The following CCDC125 variants were observed in gnomAD, a reference collection of about 807,000 sequenced individuals.
CCDC125 encodes the protein coiled-coil domain-containing protein 125.
A neutral mutation model predicts 57.4 loss-of-function variants in CCDC125; 43 were observed. The observed-to-expected ratio is 0.75, with a 90% CI of 0.59 to 0.97. CCDC125 has a LOEUF of 0.97. CCDC125 is among the 50% of genes least tolerant of loss of function. The probability of loss-of-function intolerance (pLI) is 0.00; values close to 1 mark genes in which losing one functional copy is unlikely to be tolerated. For synonymous variants in CCDC125, 187 were observed against 195.2 expected, an observed-to-expected ratio of 0.96 and a Z score of 0.35; for missense variants, 563 against 595.7, an observed-to-expected ratio of 0.95 and a Z score of 0.57.
intron 2 of CCDC125, among the ~76,000 whole-genome samples, chr5:69,315,917 G>T: frequency 1.6e-5 from 2 of 126,156 alleles, no homozygotes; most frequent in African/African-American, 3.0e-5. Context: ...TTTCCTTTCT[G>T]CCTCAACGGC....
chr5:69,284,299 A>G (rs1370488107), intron 11 of CCDC125, among the ~76,000 whole-genome samples: 2 of 152,190 alleles, frequency 1.3e-5, no homozygotes, highest in African/African-American at 2.4e-5. Flanking sequence ...GCTTTCATAT[A>G]TTTGTATGCA....
Position 69,283,082 on chromosome 5 carries a change from G to C in CCDC125, c.1231-48C>G, listed in dbSNP as rs372348068. 3.6e-6 allele frequency: 5 copies of C among 1,405,446 alleles called. No homozygotes were observed. The African/African-American group carries it at 5.8e-5, about 16-fold the overall frequency. The allele number at this position is 1,405,446 out of a possible 1,614,324, so 87.1% of individuals were successfully genotyped here. A position where few individuals can be genotyped will look rare whatever the true frequency, so the allele number is the denominator to read the frequency against. ...TGTACAAGTTAGTCAATAAATCACA[G>C]AATATATTCAGAGAAAGGAGTATTG... is the stretch of plus-strand genomic sequence containing the variant. On this transcript the variant is annotated intron_variant, in intron 11 of 11. Coordinates refer to ENST00000396496, the MANE Select transcript of CCDC125 (RefSeq NM_176816.5).
chr5:69,302,629 G>A (rs1013717189), intron 7 of CCDC125, among the ~76,000 whole-genome samples: 4 of 151,484 alleles, frequency 2.6e-5, no homozygotes, highest in Non-Finnish European at 2.9e-5. Context: ...GGAGGCTGAG[G>A]CAGAAGAATT....
At chr5:69,277,203 A>G, downstream of CCDC125, 1 of 1,163,658 alleles carries the variant, frequency 8.6e-7, no homozygotes. Flanking sequence ...GAAAAATAGT[A>G]AACATTAAGT....
At chr5:69,278,053 T>TA (rs1459674461), downstream of CCDC125, among the ~76,000 whole-genome samples, 3 of 152,048 alleles carry the variant, frequency 2.0e-5, no homozygotes, top group African/African-American at 7.2e-5. Flanking sequence ...TAATTTTTTT[T>TA]ATATTTTTAG....
rs953702993 is a variant in CCDC125, at chr5:69,282,218, T to C, written c.*511A>G. On this transcript the variant is annotated 3_prime_UTR_variant, in exon 12 of 12. Transcript: ENST00000396496. ...GTAATGTAATTTATAAATACAGTAA[T>C]GTAATTTATAAATAAAATGTCAACA... 2 of 152,106 alleles carry C rather than the reference T, an allele frequency of 1.3e-5. No homozygotes were observed. The highest frequency in any genetic ancestry group is 2.9e-5 in the Non-Finnish European group (2 of 68,066). The allele number at this position is 152,106 out of a possible 1,614,324, so 9.4% of individuals were successfully genotyped here. A position where few individuals can be genotyped will look rare whatever the true frequency, so the allele number is the denominator to read the frequency against.
chr5:69,289,910 A>G (rs1317755234), intron 10 of CCDC125, among the ~76,000 whole-genome samples: 2 of 151,552 alleles, frequency 1.3e-5, no homozygotes, highest in Non-Finnish European at 2.9e-5. Flanking sequence ...GAATTTAGCC[A>G]TTATATTTTC....
At chr5:69,297,739 A>C (rs967001215) in intron 8 of CCDC125, among the ~76,000 whole-genome samples, 10 of 151,000 alleles carry the variant, frequency 6.6e-5, no homozygotes, top group African/African-American at 2.2e-4. Context: ...TGAGGCAGGC[A>C]GATAGCTTGA....
intron 7 of CCDC125, 73 bp from the exon 8 acceptor site, chr5:69,300,200 CA>C: frequency 9.5e-7 from 1 of 1,054,400 alleles, no homozygotes; most frequent in Non-Finnish European, 1.5e-6. Context: ...GTTACCCCAA[CA>C]TGACATATTC....
chr5:69,273,939 A>T, the CCDC125 span, among the ~76,000 whole-genome samples: 1 of 152,154 alleles, frequency 6.6e-6, no homozygotes, highest in South Asian at 2.1e-4. Flanking sequence ...AGGTAGGTAT[A>T]TGCTGGGTAT....
intron 9 of CCDC125, 74 bp from the exon 10 acceptor site, chr5:69,292,436 T>A: frequency 9.0e-7 from 1 of 1,113,104 alleles, no homozygotes. Context: ...GGAATCAAAT[T>A]AACATATGCA....
intron 2 of CCDC125, among the ~76,000 whole-genome samples, chr5:69,317,500 G>A (rs1177233409): frequency 1.3e-5 from 2 of 152,152 alleles, no homozygotes; most frequent in African/African-American, 2.4e-5. Flanking sequence ...ACGTATTTTT[G>A]TAAATCTGAA....
At chr5:69,274,554 G>C in the CCDC125 span, among the ~76,000 whole-genome samples, 2 of 152,306 alleles carry the variant, frequency 1.3e-5, no homozygotes, top group South Asian at 2.1e-4. Context: ...TGGGAGTGGT[G>C]AGGAATGCTT....
Position 69,320,389 on chromosome 5 carries a change from C to T in CCDC125, c.152G>A (p.Arg51Lys), listed in dbSNP as rs549403698. Residue 51 changes from arginine to lysine, a missense_variant, in exon 2 of 12, where the codon AGA becomes AAA. Physicochemically the swap from Arg to Lys is conservative, Grantham distance 26 (BLOSUM62 2). Transcript: ENST00000396496. ...EIEFSHRSRK[R>K]SDGKNFSPPP... ...AGGGCTAAAGTTCTTTCCATCTGAT[C>T]TTTTTCTAGACCTATGTGAAAATTC... 1 of 1,614,076 alleles carries T rather than the reference C, an allele frequency of 6.2e-7. No individual in the cohort carries two copies. Among genetic ancestry groups the T allele is most frequent in the South Asian group, 1.1e-5 (1 of 91,078 alleles).
chr5:69,324,501 G>A (rs188872972), intron 1 of CCDC125, among the ~76,000 whole-genome samples: 4 of 152,302 alleles, frequency 2.6e-5, no homozygotes, highest in East Asian at 3.9e-4. Flanking sequence ...CCCCATGTCC[G>A]TACAAAGATG....
intron 11 of CCDC125, 22 bp from the exon 12 acceptor site, chr5:69,283,056 A>G: frequency 6.5e-7 from 1 of 1,547,534 alleles, no homozygotes; most frequent in East Asian, 2.2e-5. Context: ...GAAATTAAAC[A>G]TGTACAAGTT....
At chr5:69,320,104 CAG>C (rs1233580906) in intron 2 of CCDC125, 131 bp downstream of exon 2, 1 of 885,490 alleles carries the variant, frequency 1.1e-6, no homozygotes, top group Non-Finnish European at 1.7e-6. Context: ...GCCTGGGTGA[CAG>C]AGCAAGACTC....
At chr5:69,309,498 A>C (rs1449799316) in intron 4 of CCDC125, 1 of 152,254 alleles carries the variant, frequency 6.6e-6, no homozygotes, top group Non-Finnish European at 1.5e-5. Context: ...AGGTGCACAG[A>C]AGTAAAGAAT....
At chr5:69,312,169 A>G (rs1758265946) in intron 3 of CCDC125, among the ~76,000 whole-genome samples, 2 of 152,296 alleles carry the variant, frequency 1.3e-5, no homozygotes, top group East Asian at 1.9e-4. Context: ...ACCCAGACTC[A>G]TAGGGAGAAG....
Sources: gnomAD v4.1 joint callset for allele counts (sites outside exome capture counted in the v4.1 genomes callset) on GRCh38, gnomAD v4.1.1 for gene constraint, MANE v1.5 for transcripts, NCBI Gene and HGNC (gene_info 2026-07-23, HGNC 2026-07-21) for gene names.